Variants in ZNF724 observed in about 807,000 individuals in gnomAD.
The protein encoded by ZNF724 is zinc finger protein 724.
ZNF724 carries 14 observed loss-of-function variants against 29.3 expected under a neutral mutation model. That is an observed-to-expected ratio of 0.48 (90% CI 0.32 to 0.75). ZNF724 has a LOEUF of 0.75. Among genes scored for constraint, ZNF724 ranks in the 30% least tolerant of loss-of-function variants. The pLI, the probability that ZNF724 is intolerant of heterozygous loss-of-function variation, is 0.04. For synonymous variants in ZNF724, 180 were observed against 193.6 expected (o/e 0.93, Z 0.58); for missense variants, 557 against 571.2 (o/e 0.98, Z 0.25).
chr19:23,223,753 C>CTTA lies in ZNF724; in HGVS notation c.489_491dup (p.His163_Lys164insAsn). On this transcript the variant is annotated inframe_insertion, in exon 4 of 4. Coordinates refer to ENST00000418100, the MANE Select transcript of ZNF724 (RefSeq NM_001355404.2). ...TACATTTGAAAGGATTCTTTTCAGT[C>CTTA]TTATGTCTATTTGAATTTGAAAATT... is the stretch of plus-strand genomic sequence containing the variant. 1.3e-6 allele frequency: 1 copy of CTTA among 746,934 alleles called. No individual in the cohort carries two copies. Among genetic ancestry groups the CTTA allele is most frequent in the South Asian group, 1.4e-5 (1 of 71,056 alleles). The allele number at this position is 746,934 out of a possible 1,614,324, so 46.3% of individuals were successfully genotyped here.
chr19:23,223,607 A>T lies in ZNF724; in HGVS notation c.638T>A (p.Leu213His). 2.8e-6 allele frequency: 2 copies of T among 715,780 alleles called. No homozygotes were observed. The highest frequency in any genetic ancestry group is 5.2e-6 in the Non-Finnish European group (2 of 386,392). 44.3% of individuals were successfully genotyped at this position (715,780 alleles called of 1,614,324 possible). A position where few individuals can be genotyped will look rare whatever the true frequency, so the allele number is the denominator to read the frequency against. Residue 213 changes from leucine (L) to histidine (H), a missense_variant, in exon 4 of 4, where the codon CTT (leucine) becomes CAT (histidine). Transcript: ENST00000418100. ...CGKAFNVSST[L>H]SQHKRIHTGQ... ...TGTATGAATTCTCTTATGTTGAGAA[A>T]GGGTTGAGGACACATTAAAGGCCTT...
intron 1 of ZNF724, among the ~76,000 whole-genome samples, chr19:23,247,443 A>C (rs1972259838): frequency 6.6e-6 from 1 of 152,334 alleles, no homozygotes; most frequent in East Asian, 1.9e-4. Context: ...TTTCAAGGTG[A>C]CAAAACAAAG....
intron 1 of ZNF724, chr19:23,236,428 G>C (rs944020323): frequency 3.9e-5 from 6 of 152,526 alleles, no homozygotes; most frequent in African/African-American, 1.4e-4. Context: ...TGGATTTTCA[G>C]CATCAGTCCG....
intron 1 of ZNF724, among the ~76,000 whole-genome samples, chr19:23,240,922 A>G (rs1415972885): frequency 6.6e-6 from 1 of 152,062 alleles, no homozygotes; most frequent in African/African-American, 2.4e-5. Flanking sequence ...AATCCCAGCT[A>G]CTTGAAAGGC....
intron 1 of ZNF724, among the ~76,000 whole-genome samples, chr19:23,247,859 A>T (rs1193535877): frequency 1.3e-5 from 2 of 152,184 alleles, no homozygotes; most frequent in East Asian, 1.9e-4. Context: ...ACACCAGGAG[A>T]TCCCTCTAAG....
rs1972332268 is a variant in ZNF724, at chr19:23,250,368, G to T, written c.-126C>A. ...CAAAGCAGGGAAGACGAGACCAAGC[G>T]CTCCAGCTGCAGCGAGAGACAAAGG... On this transcript the variant is annotated 5_prime_UTR_variant, in exon 1 of 4. Coordinates refer to ENST00000418100, the MANE Select transcript of ZNF724 (RefSeq NM_001355404.2). 3 of 476,264 alleles carry T rather than the reference G, an allele frequency of 6.3e-6. No individual in the cohort carries two copies. The highest frequency in any genetic ancestry group is 2.5e-5 in the Admixed American group (1 of 39,778). 29.5% of individuals were successfully genotyped at this position (476,264 alleles called of 1,614,324 possible).
Position 23,243,615 on chromosome 19 carries a change from A to C in ZNF724, c.3+6625T>G, listed in dbSNP as rs545974616. Reference sequence around the variant, plus strand: ...GGAAAAACAGACACAGGCCTAGTTGAGGTTGGCAGGACAAAGACCTGTTTG... The same window carrying C: ...GGAAAAACAGACACAGGCCTAGTTGCGGTTGGCAGGACAAAGACCTGTTTG... On this transcript the variant is annotated intron_variant, in intron 1 of 3. Coordinates refer to ENST00000418100, the MANE Select transcript of ZNF724 (RefSeq NM_001355404.2). 3.3e-5 allele frequency among the ~76,000 whole-genome samples: 5 copies of C among 151,898 alleles called. No individual in the cohort carries two copies. The East Asian group carries it at 9.7e-4, about 29-fold the overall frequency.
intron 1 of ZNF724, among the ~76,000 whole-genome samples, chr19:23,238,726 T>C (rs1240310358): frequency 2.6e-5 from 4 of 152,182 alleles, no homozygotes; most frequent in Non-Finnish European, 5.9e-5. Flanking sequence ...CTGGCCATCA[T>C]GGCGAAACCC....
chr19:23,223,783 A>G lies in ZNF724; in HGVS notation c.462T>C (p.Phe154=), dbSNP rs75164806. The change falls in exon 4 of 4, where the codon TTT becomes TTC. Residue 154 remains phenylalanine (F), a synonymous_variant. Coordinates refer to ENST00000418100, the MANE Select transcript of ZNF724 (RefSeq NM_001355404.2). Reference sequence around the variant, plus strand: ...GTCTATTTGAATTTGAAAATTTATGAAAGTCTTTCACATATTTATCACACT... The same window carrying G: ...GTCTATTTGAATTTGAAAATTTATGGAAGTCTTTCACATATTTATCACACT... ...IFQCDKYVKD[F]HKFSNSNRHK... 4.9e-3 allele frequency: 3,794 copies of G among 771,070 alleles called. 88 individuals carry two copies. The African/African-American group carries it at 0.055, about 11-fold the overall frequency. 47.8% of individuals were successfully genotyped at this position (771,070 alleles called of 1,614,324 possible). A position where few individuals can be genotyped will look rare whatever the true frequency, so the allele number is the denominator to read the frequency against.
At chr19:23,228,933 G>A (rs987118820) in intron 3 of ZNF724, among the ~76,000 whole-genome samples, 8 of 151,478 alleles carry the variant, frequency 5.3e-5, no homozygotes, top group African/African-American at 9.7e-5. Flanking sequence ...GCATGGTGGC[G>A]CGTGCTTATA....
chr19:23,223,543 G>A lies in ZNF724; in HGVS notation c.702C>T (p.Ala234=), dbSNP rs1302422607. 2.7e-6 allele frequency: 2 copies of A among 735,492 alleles called. No individual in the cohort carries two copies. Among genetic ancestry groups the A allele is most frequent in the South Asian group, 1.4e-5 (1 of 70,136 alleles). 45.6% of individuals were successfully genotyped at this position (735,492 alleles called of 1,614,324 possible). A position where few individuals can be genotyped will look rare whatever the true frequency, so the allele number is the denominator to read the frequency against. The change falls in exon 4 of 4, where the codon GCC becomes GCT. Residue 234 remains alanine, a synonymous_variant. Transcript: ENST00000418100. The part of the protein sequence containing the change: ...KHYKCEECGI[A]FNKSSHLNTH... The stretch of plus-strand genomic sequence containing the variant: ...TGTTAAGGTGTGAGGACTTGTTAAA[G>A]GCTATGCCACATTCTTCACATTTGT...
At chr19:23,225,359 C>CTA (rs1971808498) in intron 3 of ZNF724, among the ~76,000 whole-genome samples, 1 of 152,106 alleles carries the variant, frequency 6.6e-6, no homozygotes, top group Non-Finnish European at 1.5e-5. Context: ...AATCCTAGCA[C>CTA]TTTGGGAGGC....
At chr19:23,245,400 T>G (rs898113633) in intron 1 of ZNF724, among the ~76,000 whole-genome samples, 1 of 152,062 alleles carries the variant, frequency 6.6e-6, no homozygotes, top group Non-Finnish European at 1.5e-5. Context: ...GATCACGAGG[T>G]CAGGAGATCG....
chr19:23,231,274 T>C lies in ZNF724; in HGVS notation c.218A>G (p.Lys73Arg). Reference protein sequence around the residue: ...WNMERHEMVAKPPGMCCYFAQ... With the variant: ...WNMERHEMVARPPGMCCYFAQ... ...TATTCACTCTCACCTACCTGGGGGT[T>C]TGGCCACCATCTCATGTCTCTCCAT... Residue 73 changes from lysine to arginine, a missense_variant, in exon 3 of 4, where the codon AAA (lysine) becomes AGA (arginine). By Grantham distance (26) the Lys-to-Arg change is conservative (BLOSUM62 2). Around this residue, in one of 3 missense-constraint regions of ZNF724, gnomAD observed 362 missense variants for 295.5 expected, o/e 1.22. Coordinates refer to ENST00000418100, the MANE Select transcript of ZNF724 (RefSeq NM_001355404.2). 7.4e-7 allele frequency: 1 copy of C among 1,347,234 alleles called. No homozygotes were observed. Among genetic ancestry groups the C allele is most frequent in the Non-Finnish European group, 1.1e-6 (1 of 943,106 alleles). The allele number at this position is 1,347,234 out of a possible 1,614,324, so 83.5% of individuals were successfully genotyped here.
chr19:23,245,469 C>G (rs1972218761), intron 1 of ZNF724, among the ~76,000 whole-genome samples: 1 of 152,122 alleles, frequency 6.6e-6, no homozygotes. Flanking sequence ...AAAAATTAGC[C>G]AGGCGTGGTG....
Position 23,239,787 on chromosome 19 carries a change from G to C in ZNF724, c.4-7494C>G, listed in dbSNP as rs79195321. ...GATTGTTCCATTGTACTCCAGGCTAGGCAACGCAGCGAGACTGTTTCAATC... is the reference window on the plus strand; with the variant it reads ...GATTGTTCCATTGTACTCCAGGCTACGCAACGCAGCGAGACTGTTTCAATC... On this transcript the variant is annotated intron_variant, in intron 1 of 3. Transcript: ENST00000418100. 7.0e-3 allele frequency among the ~76,000 whole-genome samples: 1,069 copies of C among 152,192 alleles called. 7 individuals carry two copies. The highest frequency in any genetic ancestry group is 0.024 in the African/African-American group (977 of 41,512).
chr19:23,245,876 T>C (rs1203280353), intron 1 of ZNF724, among the ~76,000 whole-genome samples: 1 of 152,162 alleles, frequency 6.6e-6, no homozygotes, highest in Non-Finnish European at 1.5e-5. Flanking sequence ...CAACTTTATC[T>C]TCAGTAAGAT....
intron 1 of ZNF724, among the ~76,000 whole-genome samples, chr19:23,245,741 C>T (rs780159598): frequency 1.2e-4 from 18 of 152,088 alleles, no homozygotes; most frequent in Non-Finnish European, 1.8e-4. Flanking sequence ...TCTGCCTAAC[C>T]TTTGAGATCC....
chr19:23,222,493 A>T lies in ZNF724; in HGVS notation c.1752T>A (p.His584Gln). 1.5e-6 allele frequency: 2 copies of T among 1,310,570 alleles called. No homozygotes were observed. The highest frequency in any genetic ancestry group is 2.2e-6 in the Non-Finnish European group (2 of 904,916). 81.2% of individuals were successfully genotyped at this position (1,310,570 alleles called of 1,614,324 possible). ...SSTLTKHKVI[H>Q]TGEKPYKCKE... ...TACATTTGTAGGGTTTCTCTCCAGT[A>T]TGAATTACCTTATGTTTAGTCAGAG... The change falls in exon 4 of 4, where the codon CAT (histidine) becomes CAA (glutamine). Residue 584 changes from histidine (H) to glutamine (Q), a missense_variant. By Grantham distance (24) the His-to-Gln change is conservative (BLOSUM62 0). Coordinates refer to ENST00000418100, the MANE Select transcript of ZNF724 (RefSeq NM_001355404.2).
Sources: allele counts gnomAD v4.1 joint callset (sites outside exome capture counted in the v4.1 genomes callset), GRCh38; gene constraint gnomAD v4.1.1; regional missense constraint gnomAD v4.1.1; transcripts MANE v1.5; gene names NCBI Gene and HGNC (gene_info 2026-07-23, HGNC 2026-07-21).